The following SLC12A8 variants were observed in gnomAD, a reference collection of about 807,000 sequenced individuals.
SLC12A8 encodes the protein solute carrier family 12 member 8, also known as cation-chloride cotransporter 9.
A neutral mutation model predicts 75.6 loss-of-function variants in SLC12A8; 69 were observed. The observed-to-expected ratio is 0.91, with a 90% CI of 0.75 to 1.11. The LOEUF is 1.11. SLC12A8 is among the 50% of genes most tolerant of loss of function. The probability of loss-of-function intolerance (pLI) is 0.00; values close to 1 mark genes in which losing one functional copy is unlikely to be tolerated. For synonymous variants in SLC12A8, 365 were observed against 372.8 expected (o/e 0.98, Z 0.24); for missense variants, 877 against 896.7 (o/e 0.98, Z 0.28).
chr3:125,161,759 G>A (rs901914559), intron 5 of SLC12A8, among the ~76,000 whole-genome samples: 1 of 151,816 alleles, frequency 6.6e-6, no homozygotes, highest in African/African-American at 2.4e-5. Flanking sequence ...GTGGGCATTC[G>A]CAGACAAAGC....
rs561684419 is a variant in SLC12A8 at position 125,199,771 on chromosome 3, T to G, written c.52-9250A>C. ...AAAAAAAAATAAAATAAAATACATT[T>G]TTATAACCAACTATAATAAACATGA... On this transcript the variant is annotated intron_variant, in intron 2 of 13. Transcript: ENST00000469902. Among the ~76,000 whole-genome samples the G allele has an allele frequency of 1.9e-4, 29 of 152,080 alleles. No homozygotes were observed. In the East Asian group the frequency reaches 5.4e-3, roughly 28 times the overall value.
chr3:125,148,535 T>TATAA (rs1452599326), intron 5 of SLC12A8, among the ~76,000 whole-genome samples: 1 of 152,022 alleles, frequency 6.6e-6, no homozygotes, highest in African/African-American at 2.4e-5. Flanking sequence ...GGGTCCTTTG[T>TATAA]ATATTATTTA....
rs182863165 is a variant in SLC12A8 at position 125,108,112 on chromosome 3, T to C, written c.1074A>G (p.Lys358=). The change falls in exon 10 of 14, where the codon AAA becomes AAG. Residue 358 remains lysine (K), a synonymous_variant. Coordinates refer to ENST00000469902, the MANE Select transcript of SLC12A8 (RefSeq NM_024628.6). ...ACLGQGKGPN[K]TPVAAICLTS... ...TCAGGCAGATGGCAGCCACGGGTGTTTTGTTTGGCCCCTTCTGCAGGAACA... is the reference window on the plus strand; with the variant it reads ...TCAGGCAGATGGCAGCCACGGGTGTCTTGTTTGGCCCCTTCTGCAGGAACA... The C allele has an allele frequency of 4.4e-3, 7,021 of 1,613,420 alleles. 21 individuals are homozygous for C. Among genetic ancestry groups the C allele is most frequent in the Non-Finnish European group, 5.4e-3 (6,419 of 1,179,574 alleles).
intron 10 of SLC12A8, among the ~76,000 whole-genome samples, chr3:125,099,591 T>C (rs1390892656): frequency 1.3e-5 from 2 of 152,064 alleles, no homozygotes; most frequent in African/African-American, 2.4e-5. Flanking sequence ...GAGAAAAAAA[T>C]TCGGATGACA....
intron 2 of SLC12A8, among the ~76,000 whole-genome samples, chr3:125,191,158 C>T (rs995341980): frequency 1.3e-5 from 2 of 152,182 alleles, no homozygotes; most frequent in African/African-American, 4.8e-5. Context: ...TTACTGAGCA[C>T]TAATACAGTG....
At chr3:125,106,532 T>C (rs917565478) in intron 10 of SLC12A8, among the ~76,000 whole-genome samples, 1 of 152,090 alleles carries the variant, frequency 6.6e-6, no homozygotes, top group African/African-American at 2.4e-5. Context: ...GCCTCATGAG[T>C]AGCTGGGATT....
chr3:125,098,583 C>G (rs1046174806), intron 10 of SLC12A8, among the ~76,000 whole-genome samples: 1 of 152,028 alleles, frequency 6.6e-6, no homozygotes, highest in South Asian at 2.1e-4. Flanking sequence ...CACACACACA[C>G]ACACACACAC....
At chr3:125,192,895 GAGAA>G (rs1350856473) in intron 2 of SLC12A8, among the ~76,000 whole-genome samples, 3 of 152,106 alleles carry the variant, frequency 2.0e-5, no homozygotes, top group African/African-American at 7.2e-5. Context: ...GATGTTCTTG[GAGAA>G]AGAGAGAGAC....
Position 125,108,101 on chromosome 3 carries a change from G to A in SLC12A8, c.1085C>T (p.Ala362Val). ...QGKGPNKTPV[A>V]AICLTSLVTM... is the part of the protein sequence containing the mutation. ...CACCAAGCTGGTCAGGCAGATGGCAGCCACGGGTGTTTTGTTTGGCCCCTT... is the reference window on the plus strand; with the variant it reads ...CACCAAGCTGGTCAGGCAGATGGCAACCACGGGTGTTTTGTTTGGCCCCTT... The change falls in exon 10 of 14, where the codon GCT (alanine) becomes GTT (valine). Residue 362 changes from alanine to valine, a missense_variant. By Grantham distance (64) the Ala-to-Val change is moderately conservative. Transcript: ENST00000469902. 2 of 1,613,806 alleles carry A rather than the reference G, an allele frequency of 1.2e-6. No homozygotes were observed. The highest frequency in any genetic ancestry group is 1.7e-6 in the Non-Finnish European group (2 of 1,179,792).
chr3:125,206,844 C>T (rs1265610124), intron 2 of SLC12A8: 2 of 152,190 alleles, frequency 1.3e-5, no homozygotes, highest in Admixed American at 6.5e-5. Context: ...AGGTGCTGCA[C>T]ACTTTTAAAC....
intron 9 of SLC12A8, among the ~76,000 whole-genome samples, chr3:125,108,606 C>G (rs1939103200): frequency 6.6e-6 from 1 of 152,164 alleles, no homozygotes. Flanking sequence ...TGGCCTCAAG[C>G]AATCTGCCCA....
At chr3:125,202,649 T>TAA (rs1560085620) in intron 2 of SLC12A8, among the ~76,000 whole-genome samples, 19 of 5,080 alleles carry the variant, frequency 3.7e-3, no homozygotes, top group African/African-American at 7.2e-3. Context: ...TTTTTTTTTT[T>TAA]TAAATCTGTA....
At chr3:125,110,394 C>CA (rs1198795873) in intron 8 of SLC12A8, 59 bp from the exon 9 acceptor site, 39 of 1,553,874 alleles carry the variant, frequency 2.5e-5, no homozygotes, top group Non-Finnish European at 3.4e-5. Context: ...CCTTTCTACC[C>CA]CCCCAGCACC....
intron 3 of SLC12A8, among the ~76,000 whole-genome samples, chr3:125,189,036 T>C (rs1560080920): frequency 6.6e-6 from 1 of 152,252 alleles, no homozygotes; most frequent in Admixed American, 6.5e-5. Flanking sequence ...GGCAACTAAT[T>C]GTTTAGTCAA....
At position 125,083,770 on chromosome 3, in the gene SLC12A8, G is replaced by C; in HGVS notation, c.*120C>G. On this transcript the variant is annotated 3_prime_UTR_variant, in exon 14 of 14. Coordinates refer to ENST00000469902, the MANE Select transcript of SLC12A8 (RefSeq NM_024628.6). ...AAAATGTAGATTTCCATTGTCCAAA[G>C]TGACAGCGGGAGGATGGGTCTTGAG... 1.1e-6 allele frequency: 1 copy of C among 891,146 alleles called. No individual in the cohort carries two copies. The highest frequency in any genetic ancestry group is 3.4e-4 in the Middle Eastern group (1 of 2,984). 55.2% of individuals were successfully genotyped at this position (891,146 alleles called of 1,614,324 possible).
intron 5 of SLC12A8, among the ~76,000 whole-genome samples, chr3:125,137,546 T>C (rs531740): frequency 0.21 from 32,382 of 152,210 alleles, 3,818 homozygotes; most frequent in South Asian, 0.4. Flanking sequence ...GCTGGACTAA[T>C]GTGCAGGTCG....
intron 2 of SLC12A8, among the ~76,000 whole-genome samples, chr3:125,193,345 G>C (rs1934943186): frequency 6.6e-6 from 1 of 152,176 alleles, no homozygotes; most frequent in Non-Finnish European, 1.5e-5. Flanking sequence ...ACTCCAGGCT[G>C]GGTGATAGAG....
chr3:125,164,379 TC>T (rs1934242930), intron 5 of SLC12A8, among the ~76,000 whole-genome samples: 1 of 152,200 alleles, frequency 6.6e-6, no homozygotes, highest in African/African-American at 2.4e-5. Context: ...CCCATCTCAC[TC>T]AGTTGTTTCA....
intron 6 of SLC12A8, among the ~76,000 whole-genome samples, chr3:125,129,245 G>A (rs1329691125): frequency 5.9e-5 from 9 of 152,232 alleles, no homozygotes; most frequent in African/African-American, 2.2e-4. Context: ...GTTCCTCTGT[G>A]AATCGTGTTC....
Sources: gnomAD v4.1 joint callset for allele counts (sites outside exome capture counted in the v4.1 genomes callset) on GRCh38, gnomAD v4.1.1 for gene constraint, MANE v1.5 for transcripts, NCBI Gene and HGNC (gene_info 2026-07-23, HGNC 2026-07-21) for gene names.